The following RFTN2 variants were observed in gnomAD, a reference collection of about 807,000 sequenced individuals.
RFTN2 encodes raftlin-2.
In RFTN2, 34 loss-of-function variants were observed where a neutral mutation model predicts 52.7. The ratio of observed to expected loss-of-function variants is 0.64; its 90% CI spans 0.49 to 0.86. RFTN2 has a LOEUF of 0.86. RFTN2 is among the 40% of genes least tolerant of loss of function. The pLI is 0.00. For missense variants in RFTN2, 536 were observed against 600.1 expected (o/e 0.89, Z 1.12); for synonymous variants, 203 against 217.7 (o/e 0.93, Z 0.59).
chr2:197,675,256 C>T, intron 1 of RFTN2, 64 bp downstream of exon 1: 1 of 1,325,682 alleles, frequency 7.5e-7, no homozygotes, highest in East Asian at 2.6e-5. Flanking sequence ...TAAGTCAACA[C>T]TTAAAAATGA....
In RFTN2 at chr2:197,633,801, T is replaced by A. The variant is rs1410359196; in HGVS notation, c.635A>T (p.Glu212Val). The change falls in exon 4 of 9, where the codon GAG becomes GTG. Residue 212 changes from glutamate to valine, a missense_variant. Physicochemically the swap from Glu to Val is moderately radical, Grantham distance 121. Transcript: ENST00000295049. Reference sequence around the variant, plus strand: ...TCCACTTTCATGATGAAGTTCTTCCTCAATTCCGCTTTCAGATGACTGCCC... The same window carrying A: ...TCCACTTTCATGATGAAGTTCTTCCACAATTCCGCTTTCAGATGACTGCCC... Reference protein sequence around the residue: ...LSGQSSESGIEEELHHESGQY... With the variant: ...LSGQSSESGIVEELHHESGQY... 3 of 1,613,804 alleles carry A rather than the reference T, an allele frequency of 1.9e-6. No individual in the cohort carries two copies. The African/African-American group carries it at 4.0e-5, about 22-fold the overall frequency.
rs1553602918 is a variant in RFTN2, at chr2:197,629,700, A to ACACACATT, written c.928+1310_928+1311insAATGTGTG. ...TACACACACACACACACACACACAC[A>ACACACATT]TATTTATTTTATTTTATTTTATTTT... On this transcript the variant is annotated intron_variant, in intron 5 of 8. Transcript: ENST00000295049. Among the ~76,000 whole-genome samples the ACACACATT allele has an allele frequency of 5.9e-3, 642 of 109,414 alleles. 3 individuals carry two copies. Among genetic ancestry groups the ACACACATT allele is most frequent in the African/African-American group, 0.017 (615 of 35,238 alleles). 71.8% of individuals were successfully genotyped at this position (109,414 alleles called of 152,430 possible). A position where few individuals can be genotyped will look rare whatever the true frequency, so the allele number is the denominator to read the frequency against.
intron 3 of RFTN2, among the ~76,000 whole-genome samples, chr2:197,638,901 T>C (rs1229371103): frequency 6.6e-6 from 1 of 151,776 alleles, no homozygotes; most frequent in Non-Finnish European, 1.5e-5. Flanking sequence ...CCATGTTTAG[T>C]GCTTCCTTCA....
At chr2:197,674,525 C>A (rs1169049446) in intron 1 of RFTN2, among the ~76,000 whole-genome samples, 1 of 151,846 alleles carries the variant, frequency 6.6e-6, no homozygotes, top group Non-Finnish European at 1.5e-5. Context: ...ACTTTAACAG[C>A]AAGCAAAGCA....
At chr2:197,638,311 G>A (rs199807553) in intron 3 of RFTN2, among the ~76,000 whole-genome samples, 24,839 of 83,792 alleles carry the variant, frequency 0.3, 4,399 homozygotes, top group African/African-American at 0.42. Flanking sequence ...TTTCTGTCTC[G>A]TTGATCTGTC....
At position 197,633,676 on chromosome 2, in the gene RFTN2, T is replaced by A. The variant is rs1044741716; in HGVS notation, c.718+42A>T. The A allele has an allele frequency of 2.6e-6, 4 of 1,519,922 alleles. No homozygotes were observed. The East Asian group carries it at 9.1e-5, about 34-fold the overall frequency. The allele number at this position is 1,519,922 out of a possible 1,614,324, so 94.2% of individuals were successfully genotyped here. A position where few individuals can be genotyped will look rare whatever the true frequency, so the allele number is the denominator to read the frequency against. Reference sequence around the variant, plus strand: ...AAAAACCTCAAAAACTTATTTTGCTTAAACTATAGTATATTCTCTTTCTAC... The same window carrying A: ...AAAAACCTCAAAAACTTATTTTGCTAAAACTATAGTATATTCTCTTTCTAC... On this transcript the variant is annotated intron_variant, in intron 4 of 8. Transcript: ENST00000295049.
chr2:197,661,082 C>T (rs1231533893), intron 1 of RFTN2, among the ~76,000 whole-genome samples: 1 of 152,178 alleles, frequency 6.6e-6, no homozygotes, highest in Non-Finnish European at 1.5e-5. Flanking sequence ...CATCATTTAA[C>T]TCTCTACCTG....
chr2:197,610,937 C>T (rs923665106), intron 7 of RFTN2, among the ~76,000 whole-genome samples: 1 of 152,190 alleles, frequency 6.6e-6, no homozygotes, highest in Non-Finnish European at 1.5e-5. Context: ...GTATGTTGAA[C>T]CAGCCTTGCA....
At chr2:197,655,410 AAC>A (rs376657708) in intron 1 of RFTN2, among the ~76,000 whole-genome samples, 4 of 151,862 alleles carry the variant, frequency 2.6e-5, no homozygotes, top group African/African-American at 7.2e-5. Context: ...TAATGCAAGA[AAC>A]ACACACACAC....
At position 197,659,584 on chromosome 2, in the gene RFTN2, G is replaced by T. The variant is rs187780161; in HGVS notation, c.140-12918C>A. Among the ~76,000 whole-genome samples, 911 of 152,160 alleles carry T rather than the reference G, an allele frequency of 6.0e-3. 12 individuals carry two copies. Among genetic ancestry groups the T allele is most frequent in the African/African-American group, 0.021 (868 of 41,524 alleles). On this transcript the variant is annotated intron_variant, in intron 1 of 8. Coordinates refer to ENST00000295049, the MANE Select transcript of RFTN2 (RefSeq NM_144629.3). ...TGTAATCCCAGCACTTTGAGAGGCT[G>T]AGGCGGGTGGATTACTGCAGGTCAG...
chr2:197,627,422 C>G (rs112815967), intron 5 of RFTN2, among the ~76,000 whole-genome samples: 1 of 152,202 alleles, frequency 6.6e-6, no homozygotes, highest in Non-Finnish European at 1.5e-5. Context: ...CGATGCCATA[C>G]GGCTAGCGCC....
intron 8 of RFTN2, among the ~76,000 whole-genome samples, chr2:197,590,918 A>C (rs1321476245): frequency 6.6e-6 from 1 of 152,204 alleles, no homozygotes; most frequent in Admixed American, 6.5e-5. Flanking sequence ...AAGTAAAAAA[A>C]CAAAACTCCC....
At chr2:197,652,904 T>C (rs1202150852) in intron 1 of RFTN2, among the ~76,000 whole-genome samples, 1 of 152,224 alleles carries the variant, frequency 6.6e-6, no homozygotes, top group Non-Finnish European at 1.5e-5. Flanking sequence ...TGTAGCTGAC[T>C]GCAAACTAAT....
At chr2:197,649,522 T>C (rs1173390594) in intron 1 of RFTN2, among the ~76,000 whole-genome samples, 8 of 152,192 alleles carry the variant, frequency 5.3e-5, no homozygotes, top group Non-Finnish European at 1.0e-4. Flanking sequence ...TTCAGAAAAG[T>C]TCACATGAGC....
chr2:197,571,726 A>G lies in RFTN2; in HGVS notation c.*282T>C, dbSNP rs748112698. On this transcript the variant is annotated 3_prime_UTR_variant, in exon 9 of 9. Coordinates refer to ENST00000295049, the MANE Select transcript of RFTN2 (RefSeq NM_144629.3). ...GTAAGAAAGTCTACTTTGTACATTC[A>G]TGAGAAGCTGAAATAGATTATTGTG... 3 of 397,370 alleles carry G rather than the reference A, an allele frequency of 7.5e-6. No individual in the cohort carries two copies. The highest frequency in any genetic ancestry group is 4.1e-5 in the African/African-American group (2 of 49,244). The allele number at this position is 397,370 out of a possible 1,614,324, so 24.6% of individuals were successfully genotyped here.
chr2:197,659,932 A>G (rs1176864280), intron 1 of RFTN2, among the ~76,000 whole-genome samples: 1 of 152,250 alleles, frequency 6.6e-6, no homozygotes, highest in Non-Finnish European at 1.5e-5. Flanking sequence ...TAACATAACA[A>G]GTGCATATTT....
intron 1 of RFTN2, among the ~76,000 whole-genome samples, chr2:197,670,214 T>C (rs1053779935): frequency 6.6e-6 from 1 of 152,232 alleles, no homozygotes; most frequent in Non-Finnish European, 1.5e-5. Flanking sequence ...ATATTTACCA[T>C]CCAACCCTTT....
At chr2:197,659,723 A>G (rs928969423) in intron 1 of RFTN2, among the ~76,000 whole-genome samples, 2 of 151,980 alleles carry the variant, frequency 1.3e-5, no homozygotes, top group Non-Finnish European at 2.9e-5. Context: ...AGGCTGAGGC[A>G]GGAGAATTGC....
intron 7 of RFTN2, among the ~76,000 whole-genome samples, chr2:197,607,239 C>G (rs968343631): frequency 1.3e-5 from 2 of 152,048 alleles, no homozygotes; most frequent in African/African-American, 4.8e-5. Context: ...GACAAAAAAC[C>G]AAACACCGCA....
Sources: gnomAD v4.1 joint callset for allele counts (sites outside exome capture counted in the v4.1 genomes callset) on GRCh38, gnomAD v4.1.1 for gene constraint, MANE v1.5 for transcripts, NCBI Gene and HGNC (gene_info 2026-07-23, HGNC 2026-07-21) for gene names.